The following RIMS2 variants were observed in gnomAD, a reference collection of about 807,000 sequenced individuals.
RIMS2 encodes the protein regulating synaptic membrane exocytosis protein 2.
A neutral mutation model predicts 174.4 loss-of-function variants in RIMS2; 59 were observed. That is an observed-to-expected ratio of 0.34 (90% CI 0.27 to 0.42). RIMS2 has a LOEUF of 0.42. RIMS2 is among the 10% of genes least tolerant of loss of function. The pLI is 1.00. For missense variants in RIMS2, 1,620 were observed against 1,666.3 expected (o/e 0.97, Z 0.48); for synonymous variants, 606 against 572.5 (o/e 1.06, Z -0.84).
At chr8:104,206,672 G>T (rs993514440) in intron 19 of RIMS2, among the ~76,000 whole-genome samples, 6 of 152,284 alleles carry the variant, frequency 3.9e-5, no homozygotes, top group Non-Finnish European at 5.9e-5. Context: ...GCCCAAGCAT[G>T]GCTTACAGCT....
chr8:104,068,731 ATAT>A lies in RIMS2; in HGVS notation c.3334+54122_3334+54124del, dbSNP rs2097146342. On this transcript the variant is annotated intron_variant, in intron 19 of 23. Transcript: ENST00000504942. ...AAACATATAATGCCATGGCCCCATG[ATAT>A]TATTAAGTGCTAAAATTTATGTGTT... The A allele has an allele frequency of 1.5e-5, 9 of 596,332 alleles. 2 individuals carry two copies. The highest frequency in any genetic ancestry group is 1.1e-4 in the East Asian group (4 of 35,586). The allele number at this position is 596,332 out of a possible 1,614,324, so 36.9% of individuals were successfully genotyped here. A position where few individuals can be genotyped will look rare whatever the true frequency, so the allele number is the denominator to read the frequency against.
At chr8:103,688,682 T>G (rs1590360061) in intron 1 of RIMS2, among the ~76,000 whole-genome samples, 1 of 152,098 alleles carries the variant, frequency 6.6e-6, no homozygotes, top group South Asian at 2.1e-4. Context: ...GAAGGATTGG[T>G]ATTAGTTCAT....
At chr8:104,034,615 A>AC (rs2096475275) in intron 19 of RIMS2, among the ~76,000 whole-genome samples, 1 of 151,452 alleles carries the variant, frequency 6.6e-6, no homozygotes, top group African/African-American at 2.4e-5. Flanking sequence ...GATTATAGGC[A>AC]CCCGCCACCA....
intron 3 of RIMS2, among the ~76,000 whole-genome samples, chr8:103,872,424 A>C (rs1414584634): frequency 6.6e-6 from 1 of 152,208 alleles, no homozygotes; most frequent in African/African-American, 2.4e-5. Context: ...CACTTGAGAC[A>C]AGTCGGCTTT....
chr8:104,060,876 G>A (rs375015985), intron 19 of RIMS2, among the ~76,000 whole-genome samples: 5 of 151,926 alleles, frequency 3.3e-5, no homozygotes, highest in East Asian at 1.9e-4. Context: ...GTAGTTGAGC[G>A]GTTTTGAGTG....
At chr8:103,812,342 T>TTTG (rs1554843405) in intron 3 of RIMS2, among the ~76,000 whole-genome samples, 2 of 113,340 alleles carry the variant, frequency 1.8e-5, no homozygotes, top group African/African-American at 3.0e-5. Flanking sequence ...TTTTTTTTTT[T>TTTG]TTTTTTTTTT....
chr8:103,980,335 A>T (rs1254996712), intron 16 of RIMS2, among the ~76,000 whole-genome samples: 1 of 152,116 alleles, frequency 6.6e-6, no homozygotes, highest in Non-Finnish European at 1.5e-5. Flanking sequence ...ATGGGCTAAA[A>T]GGAAGTTGCT....
chr8:104,209,534 A>T (rs1396573746), intron 19 of RIMS2, among the ~76,000 whole-genome samples: 1 of 152,150 alleles, frequency 6.6e-6, no homozygotes, highest in Non-Finnish European at 1.5e-5. Context: ...ACTGTGCTAT[A>T]CTGTTGTTGT....
At chr8:103,990,839 T>C (rs2094640907) in intron 17 of RIMS2, among the ~76,000 whole-genome samples, 1 of 152,000 alleles carries the variant, frequency 6.6e-6, no homozygotes, top group Non-Finnish European at 1.5e-5. Flanking sequence ...AAAAATGGAC[T>C]TTGTTTTCTT....
intron 15 of RIMS2, among the ~76,000 whole-genome samples, chr8:103,967,476 G>A (rs1290686847): frequency 6.6e-6 from 1 of 151,792 alleles, no homozygotes; most frequent in Non-Finnish European, 1.5e-5. Flanking sequence ...TTATGGGCAT[G>A]AACCACCATG....
intron 1 of RIMS2, among the ~76,000 whole-genome samples, chr8:103,642,582 T>G (rs976801858): frequency 1.1e-4 from 17 of 152,248 alleles, no homozygotes; most frequent in Non-Finnish European, 1.9e-4. Context: ...AATGAAAAAC[T>G]TCTTTTTAAT....
chr8:104,242,311 T>A (rs1237971533), intron 19 of RIMS2, among the ~76,000 whole-genome samples: 1 of 152,138 alleles, frequency 6.6e-6, no homozygotes, highest in Non-Finnish European at 1.5e-5. Context: ...TTAGCATGTA[T>A]CTCCTAATAA....
intron 19 of RIMS2, among the ~76,000 whole-genome samples, chr8:104,097,506 TA>T: frequency 6.6e-6 from 1 of 150,698 alleles, no homozygotes; most frequent in Non-Finnish European, 1.5e-5. Context: ...TACTTAACAG[TA>T]AAAAATATGA....
At chr8:103,682,713 A>C (rs1051555976) in intron 1 of RIMS2, among the ~76,000 whole-genome samples, 1 of 152,160 alleles carries the variant, frequency 6.6e-6, no homozygotes, top group Non-Finnish European at 1.5e-5. Context: ...TGAATAAATA[A>C]AATTTTTTAA....
At chr8:103,623,936 CT>C (rs34875909) in intron 1 of RIMS2, among the ~76,000 whole-genome samples, 27,682 of 151,806 alleles carry the variant, frequency 0.18, 2,764 homozygotes, top group African/African-American at 0.26. Context: ...TTCTCAGTGT[CT>C]TAAGAGAAAA....
At chr8:103,562,125 C>G (rs997393759) in intron 1 of RIMS2, among the ~76,000 whole-genome samples, 2 of 152,188 alleles carry the variant, frequency 1.3e-5, no homozygotes, top group Admixed American at 6.5e-5. Context: ...TATCATTTCA[C>G]CCCTGGTCAT....
chr8:103,548,723 C>A (rs1489660457), intron 1 of RIMS2, among the ~76,000 whole-genome samples: 1 of 151,946 alleles, frequency 6.6e-6, no homozygotes, highest in Admixed American at 6.6e-5. Flanking sequence ...GAGATGAAGA[C>A]AAACCATTTC....
chr8:103,826,462 T>G (rs971409024), intron 3 of RIMS2, among the ~76,000 whole-genome samples: 10 of 151,932 alleles, frequency 6.6e-5, no homozygotes, highest in Non-Finnish European at 1.2e-4. Flanking sequence ...AGTTATTTCA[T>G]TACCATTTGC....
chr8:104,111,736 T>C (rs2098187883), intron 19 of RIMS2, among the ~76,000 whole-genome samples: 2 of 152,184 alleles, frequency 1.3e-5, no homozygotes, highest in South Asian at 4.1e-4. Flanking sequence ...TCTTTTTCTA[T>C]GCTTCCAACA....
Sources: allele counts gnomAD v4.1 joint callset (sites outside exome capture counted in the v4.1 genomes callset), GRCh38; gene constraint gnomAD v4.1.1; transcripts MANE v1.5; gene names NCBI Gene and HGNC (gene_info 2026-07-23, HGNC 2026-07-21).